CSTPP1: variants seen among roughly 807,000 people sequenced by gnomAD.
CSTPP1 encodes centriolar satellite-associated tubulin polyglutamylase complex regulator 1.
the CSTPP1 span, among the ~76,000 whole-genome samples, chr11:46,979,116 G>C: frequency 6.6e-6 from 1 of 151,970 alleles, no homozygotes; most frequent in Non-Finnish European, 1.5e-5. Flanking sequence ...GCCCCCAAAG[G>C]CTATACTTTT....
chr11:47,105,622 A>G, the CSTPP1 span, among the ~76,000 whole-genome samples: 4 of 152,216 alleles, frequency 2.6e-5, no homozygotes, highest in Non-Finnish European at 1.5e-5. Context: ...CAATAATCCC[A>G]TGAAGGTATT....
the CSTPP1 span, among the ~76,000 whole-genome samples, chr11:46,947,196 A>G: frequency 6.6e-6 from 1 of 152,210 alleles, no homozygotes; most frequent in Non-Finnish European, 1.5e-5. Flanking sequence ...ACAATTTTGG[A>G]GCATCTCAAT....
the CSTPP1 span, chr11:46,936,765 A>C: frequency 1.9e-6 from 3 of 1,607,946 alleles, no homozygotes; most frequent in Non-Finnish European, 2.5e-6. Flanking sequence ...TGGGTTCCGG[A>C]AGCCGGAGAG....
chr11:47,055,727 A>C, the CSTPP1 span, among the ~76,000 whole-genome samples: 1 of 152,276 alleles, frequency 6.6e-6, no homozygotes, highest in African/African-American at 2.4e-5. Context: ...CTGATGTGCT[A>C]TTTCTACTAT....
chr11:46,992,362 A>G, the CSTPP1 span, among the ~76,000 whole-genome samples: 2,145 of 150,990 alleles, frequency 0.014, 49 homozygotes, highest in African/African-American at 0.05. Context: ...TACATTGGGT[A>G]TATCTACTAA....
the CSTPP1 span, among the ~76,000 whole-genome samples, chr11:46,980,716 GATGT>G: frequency 1.3e-5 from 2 of 152,182 alleles, no homozygotes; most frequent in African/African-American, 4.8e-5. Flanking sequence ...CCATGAAGTA[GATGT>G]ATGTATTTGT....
chr11:47,001,716 A>C, the CSTPP1 span, among the ~76,000 whole-genome samples: 1 of 152,016 alleles, frequency 6.6e-6, no homozygotes, highest in Non-Finnish European at 1.5e-5. Flanking sequence ...AAGATGACCC[A>C]CTTCTTTCCT....
the CSTPP1 span, among the ~76,000 whole-genome samples, chr11:47,116,675 G>GTT: frequency 0.058 from 4,854 of 83,976 alleles, 333 homozygotes; most frequent in Non-Finnish European, 0.069. Flanking sequence ...TGCTTGGTAG[G>GTT]TTTTTTTTTT....
At chr11:47,132,308 C>A in the CSTPP1 span, among the ~76,000 whole-genome samples, 1 of 152,154 alleles carries the variant, frequency 6.6e-6, no homozygotes, top group Non-Finnish European at 1.5e-5. Flanking sequence ...TTTATTTATT[C>A]ATTCCTTCAA....
At chr11:47,131,703 G>A in the CSTPP1 span, among the ~76,000 whole-genome samples, 6 of 152,252 alleles carry the variant, frequency 3.9e-5, no homozygotes, top group Admixed American at 2.0e-4. Flanking sequence ...ATGGCCTGGC[G>A]CAGTAGCTCA....
chr11:47,091,046 CAAAAA>C, the CSTPP1 span, among the ~76,000 whole-genome samples: 5 of 83,682 alleles, frequency 6.0e-5, no homozygotes, highest in Admixed American at 2.7e-4. Context: ...GACTCCATCT[CAAAAA>C]AAAAAAAAAA....
At chr11:47,060,034 G>A in the CSTPP1 span, among the ~76,000 whole-genome samples, 2 of 151,522 alleles carry the variant, frequency 1.3e-5, no homozygotes, top group Non-Finnish European at 1.5e-5. Context: ...AGTCTGGGAG[G>A]TGGAGGTTGC....
chr11:47,122,091 A>AAAAAAAAATAT, the CSTPP1 span, among the ~76,000 whole-genome samples: 21 of 31,836 alleles, frequency 6.6e-4, no homozygotes, highest in African/African-American at 9.7e-4. Context: ...AAAAAAAAAA[A>AAAAAAAAATAT]ATATATATAT....
the CSTPP1 span, among the ~76,000 whole-genome samples, chr11:47,020,416 C>G: frequency 2.0e-5 from 3 of 151,812 alleles, no homozygotes; most frequent in Non-Finnish European, 4.4e-5. Context: ...ATATTTAAAC[C>G]CTTTAATTTG....
chr11:46,995,075 T>C, the CSTPP1 span, among the ~76,000 whole-genome samples: 1 of 152,228 alleles, frequency 6.6e-6, no homozygotes, highest in South Asian at 2.1e-4. Context: ...GAGGTGTTTA[T>C]AGCATTCTCT....
chr11:47,013,497 G>C, the CSTPP1 span, among the ~76,000 whole-genome samples: 2 of 152,128 alleles, frequency 1.3e-5, no homozygotes, highest in Non-Finnish European at 2.9e-5. Flanking sequence ...AGAACATGCA[G>C]TGTTTGGTTT....
At chr11:46,996,429 G>A in the CSTPP1 span, among the ~76,000 whole-genome samples, 17 of 151,840 alleles carry the variant, frequency 1.1e-4, no homozygotes, top group Admixed American at 2.0e-4. Context: ...TCAGCCTCCC[G>A]TCTAGCTGGG....
chr11:47,160,993 C>T, the CSTPP1 span: 1 of 1,137,898 alleles, frequency 8.8e-7, no homozygotes, highest in Non-Finnish European at 1.3e-6. Context: ...GCCCCTCTAG[C>T]AGTCCTCAGA....
At chr11:47,140,670 C>T in the CSTPP1 span, among the ~76,000 whole-genome samples, 2 of 129,870 alleles carry the variant, frequency 1.5e-5, no homozygotes, top group African/African-American at 5.9e-5. Context: ...AATTCCTGAC[C>T]TCAAAAGATC....
Sources: gnomAD v4.1 joint callset for allele counts (sites outside exome capture counted in the v4.1 genomes callset) on GRCh38, gnomAD v4.1.1 for gene constraint, MANE v1.5 for transcripts, NCBI Gene and HGNC (gene_info 2026-07-23, HGNC 2026-07-21) for gene names.